The following HS3ST4 variants were observed in gnomAD, a reference collection of about 807,000 sequenced individuals.
HS3ST4 encodes the protein heparan sulfate glucosamine 3-O-sulfotransferase 4.
A neutral mutation model predicts 29.2 loss-of-function variants in HS3ST4; 17 were observed. The observed-to-expected ratio is 0.58, with a 90% CI of 0.40 to 0.87. The LOEUF is 0.87. Among genes scored for constraint, HS3ST4 ranks in the 40% least tolerant of loss-of-function variants. The pLI is 0.00. For synonymous variants in HS3ST4, 314 were observed against 285.7 expected (o/e 1.10, Z -1.00); for missense variants, 627 against 634.5 (o/e 0.99, Z 0.13).
Position 25,700,942 on chromosome 16 carries a change from A to AT in HS3ST4, c.734+7798dup, listed in dbSNP as rs556917099. ...CAAAGCAACACGTGAATTAGACAAT[A>AT]TTTTTTTCAGTTGCAAATGACAGAA... On this transcript the variant is annotated intron_variant, in intron 1 of 1. Transcript: ENST00000331351. 2.6e-3 allele frequency among the ~76,000 whole-genome samples: 390 copies of AT among 152,196 alleles called. 1 individual carries two copies. The highest frequency in any genetic ancestry group is 3.3e-3 in the Non-Finnish European group (222 of 67,996).
At chr16:25,904,813 T>C (rs1243685524) in intron 1 of HS3ST4, among the ~76,000 whole-genome samples, 1 of 152,206 alleles carries the variant, frequency 6.6e-6, no homozygotes, top group Non-Finnish European at 1.5e-5. Flanking sequence ...AAAAAAAGTA[T>C]TTAACTGTAG....
chr16:26,113,366 A>C (rs1478792203), intron 1 of HS3ST4, among the ~76,000 whole-genome samples: 2 of 151,752 alleles, frequency 1.3e-5, no homozygotes, highest in Non-Finnish European at 2.9e-5. Flanking sequence ...GAATCGCTTG[A>C]AACCGGGGGG....
chr16:25,837,223 A>G (rs1213810088), intron 1 of HS3ST4, among the ~76,000 whole-genome samples: 2 of 152,240 alleles, frequency 1.3e-5, no homozygotes. Context: ...GATGCCATTC[A>G]GCTCATTCAC....
At chr16:25,732,038 G>A (rs532396973) in intron 1 of HS3ST4, among the ~76,000 whole-genome samples, 107 of 152,052 alleles carry the variant, frequency 7.0e-4, no homozygotes, top group Non-Finnish European at 1.2e-3. Context: ...TCCAAAATTG[G>A]GGTAGACACA....
At chr16:25,842,028 A>G (rs1160215519) in intron 1 of HS3ST4, among the ~76,000 whole-genome samples, 3 of 152,208 alleles carry the variant, frequency 2.0e-5, no homozygotes, top group Admixed American at 6.5e-5. Flanking sequence ...CCCTACCACT[A>G]CAAAAAACCA....
chr16:26,063,433 T>C (rs1483658007), intron 1 of HS3ST4, among the ~76,000 whole-genome samples: 4 of 151,544 alleles, frequency 2.6e-5, no homozygotes, highest in South Asian at 4.2e-4. Context: ...ACACCTGTAA[T>C]CCCAGCACTT....
At chr16:25,954,189 T>G (rs1968706118) in intron 1 of HS3ST4, among the ~76,000 whole-genome samples, 1 of 152,222 alleles carries the variant, frequency 6.6e-6, no homozygotes, top group African/African-American at 2.4e-5. Context: ...TGGCTTATCT[T>G]TAGACTTTGT....
At chr16:25,970,143 A>T (rs1968881926) in intron 1 of HS3ST4, among the ~76,000 whole-genome samples, 1 of 152,244 alleles carries the variant, frequency 6.6e-6, no homozygotes, top group African/African-American at 2.4e-5. Context: ...AGCAGGTGCG[A>T]ATGCAAGGAC....
intron 1 of HS3ST4, among the ~76,000 whole-genome samples, chr16:25,828,531 G>C (rs1370792782): frequency 6.6e-6 from 1 of 151,728 alleles, no homozygotes; most frequent in East Asian, 1.9e-4. Context: ...AGTAGAGATG[G>C]GGTTTCATCT....
chr16:25,968,913 G>A (rs759463767), intron 1 of HS3ST4, among the ~76,000 whole-genome samples: 3 of 152,082 alleles, frequency 2.0e-5, no homozygotes, highest in East Asian at 1.9e-4. Flanking sequence ...TCTGCCTCCC[G>A]GGTTCAAGCA....
chr16:26,135,449 A>G (rs1898269974), intron 1 of HS3ST4, among the ~76,000 whole-genome samples, 163 bp from the exon 2 acceptor site: 1 of 152,212 alleles, frequency 6.6e-6, no homozygotes, highest in African/African-American at 2.4e-5. Context: ...TAGCCAGGGT[A>G]AGACTATAGT....
At chr16:25,828,258 TTCTTTCTTTC>T (rs1567249355) in intron 1 of HS3ST4, among the ~76,000 whole-genome samples, 1 of 87,046 alleles carries the variant, frequency 1.1e-5, no homozygotes, top group African/African-American at 4.6e-5. Flanking sequence ...CTTTCTTTCT[TTCTTTCTTTC>T]TTTCTTTCTT....
intron 1 of HS3ST4, among the ~76,000 whole-genome samples, chr16:26,131,639 G>C (rs563050056): frequency 2.0e-5 from 3 of 152,328 alleles, no homozygotes; most frequent in African/African-American, 7.2e-5. Flanking sequence ...CAGGTTAGCA[G>C]GGGGTTTTGT....
chr16:26,036,619 C>A (rs971765243), intron 1 of HS3ST4, among the ~76,000 whole-genome samples: 1 of 152,144 alleles, frequency 6.6e-6, no homozygotes, highest in Non-Finnish European at 1.5e-5. Context: ...ATTAGATGTA[C>A]TTTTTTTCCT....
At chr16:26,134,303 A>T (rs1898249096) in intron 1 of HS3ST4, among the ~76,000 whole-genome samples, 1 of 150,154 alleles carries the variant, frequency 6.7e-6, no homozygotes, top group African/African-American at 2.5e-5. Flanking sequence ...CTTTCATCTT[A>T]TATGTCATTT....
intron 1 of HS3ST4, among the ~76,000 whole-genome samples, chr16:25,769,853 A>C (rs1255968621): frequency 6.6e-6 from 1 of 152,206 alleles, no homozygotes; most frequent in Non-Finnish European, 1.5e-5. Context: ...TGTAGCCAAC[A>C]CAGGGGCAAT....
At chr16:26,001,763 G>C (rs913003201) in intron 1 of HS3ST4, among the ~76,000 whole-genome samples, 1 of 152,072 alleles carries the variant, frequency 6.6e-6, no homozygotes, top group African/African-American at 2.4e-5. Flanking sequence ...TTTCTCCGAG[G>C]CTCTGAAGTT....
At chr16:25,829,416 T>A (rs1967271143) in intron 1 of HS3ST4, among the ~76,000 whole-genome samples, 1 of 152,236 alleles carries the variant, frequency 6.6e-6, no homozygotes, top group Non-Finnish European at 1.5e-5. Context: ...TTTTATTTTT[T>A]AATTTTACTT....
chr16:26,117,687 A>G (rs896628800), intron 1 of HS3ST4, among the ~76,000 whole-genome samples: 2 of 152,222 alleles, frequency 1.3e-5, no homozygotes, highest in African/African-American at 4.8e-5. Flanking sequence ...CCGGAGCCCA[A>G]GCCCTGCTTA....
Sources: allele counts gnomAD v4.1 joint callset (sites outside exome capture counted in the v4.1 genomes callset), GRCh38; gene constraint gnomAD v4.1.1; transcripts MANE v1.5; gene names NCBI Gene and HGNC (gene_info 2026-07-23, HGNC 2026-07-21).